The following MDN1 variants were observed in gnomAD, a reference collection of about 807,000 sequenced individuals.
MDN1 encodes the protein midasin.
A neutral mutation model predicts 669.2 loss-of-function variants in MDN1; 266 were observed. The ratio of observed to expected loss-of-function variants is 0.40; its 90% CI spans 0.36 to 0.44. MDN1 has a LOEUF of 0.44. Among genes scored for constraint, MDN1 ranks in the 20% least tolerant of loss-of-function variants. The pLI is 1.00. For missense variants in MDN1, 5,940 were observed against 6,754.0 expected (o/e 0.88, Z 4.22); for synonymous variants, 2,385 against 2,457.1 (o/e 0.97, Z 0.87).
intron 32 of MDN1, 37 bp from the exon 33 acceptor site, chr6:89,738,492 A>G (rs746652070): frequency 7.5e-6 from 12 of 1,609,208 alleles, no homozygotes. Flanking sequence ...GAATTTTTAA[A>G]ACTGTAAGGA....
rs745680539 is a variant in MDN1, at chr6:89,698,932, A to G, written c.9101T>C (p.Met3034Thr). ...CTGCATACCAGGCAAAGGGTTCCAC[A>G]TTAGCCAGTACTCTGGATTTGTGGT... is the stretch of plus-strand genomic sequence containing the variant. ...TVTTNPEYWLMWNPLPGMQQR... is the reference protein window; with the variant it reads ...TVTTNPEYWLTWNPLPGMQQR... Residue 3034 changes from methionine (M) to threonine (T), a missense_variant, in exon 59 of 102, where the codon ATG becomes ACG. By Grantham distance (81) the Met-to-Thr change is moderately conservative. Transcript: ENST00000369393. 3.1e-6 allele frequency: 5 copies of G among 1,614,082 alleles called. No individual in the cohort carries two copies. The African/African-American group carries it at 5.3e-5, about 17-fold the overall frequency.
At chr6:89,764,143 G>A (rs1817689385) in intron 15 of MDN1, among the ~76,000 whole-genome samples, 2 of 152,170 alleles carry the variant, frequency 1.3e-5, no homozygotes, top group African/African-American at 2.4e-5. Flanking sequence ...TTGAGCACAG[G>A]AGTTCTAGGC....
rs1212486778 is a variant in MDN1, at chr6:89,699,762, T to C, written c.8871-35A>G. The C allele has an allele frequency of 3.7e-6, 6 of 1,609,744 alleles. 1 individual carries two copies. Among genetic ancestry groups the C allele is most frequent in the Middle Eastern group, 3.3e-4 (2 of 6,044 alleles). ...AAATAAAGAGGGAGAGGGTGGGGTA[T>C]GGACTATCAATGAACTACTGGAAAG... On this transcript the variant is annotated intron_variant, in intron 57 of 101. Transcript: ENST00000369393.
intron 53 of MDN1, 78 bp downstream of exon 53, chr6:89,705,981 A>T (rs1018704031): frequency 2.3e-6 from 3 of 1,306,364 alleles, no homozygotes; most frequent in African/African-American, 1.5e-5. Context: ...CACTAAAGTT[A>T]GTCTTAGCCC....
At chr6:89,706,742 A>G (rs1373165535) in intron 52 of MDN1, among the ~76,000 whole-genome samples, 3 of 152,144 alleles carry the variant, frequency 2.0e-5, no homozygotes, top group African/African-American at 7.2e-5. Flanking sequence ...GATTATAAAG[A>G]AAAAAATGTA....
chr6:89,758,934 T>C lies in MDN1; in HGVS notation c.2487A>G (p.Lys829=). ...VEGTLAQAVK[K]GEWILLDEIN... is the part of the protein sequence containing the mutation. ...TCTCATCCAACAAGATCCACTCTCC[T>C]TTCTTTACAGCCTGAGCTAATGTAC... is the stretch of plus-strand genomic sequence containing the variant. Residue 829 remains lysine (K), a synonymous_variant, in exon 18 of 102, where the codon AAA becomes AAG. Coordinates refer to ENST00000369393, the MANE Select transcript of MDN1 (RefSeq NM_014611.3). 3 of 1,613,964 alleles carry C rather than the reference T, an allele frequency of 1.9e-6. No homozygotes were observed. Among genetic ancestry groups the C allele is most frequent in the Non-Finnish European group, 2.5e-6 (3 of 1,179,814 alleles).
intron 92 of MDN1, among the ~76,000 whole-genome samples, chr6:89,654,915 G>T (rs13201953): frequency 6.6e-6 from 1 of 152,240 alleles, no homozygotes; most frequent in African/African-American, 2.4e-5. Context: ...ACAGAAAGAC[G>T]AATAGGAATC....
At chr6:89,657,379 G>A (rs1809394191) in intron 90 of MDN1, among the ~76,000 whole-genome samples, 1 of 152,196 alleles carries the variant, frequency 6.6e-6, no homozygotes, top group African/African-American at 2.4e-5. Flanking sequence ...AATCACCACT[G>A]TAACCAGCAG....
intron 9 of MDN1, 36 bp downstream of exon 9, chr6:89,784,976 C>T: frequency 7.2e-7 from 1 of 1,394,056 alleles, no homozygotes; most frequent in Non-Finnish European, 1.0e-6. Flanking sequence ...AGCCACTGCA[C>T]CTGGCCAGCA....
chr6:89,801,226 T>C (rs543123943), intron 2 of MDN1, among the ~76,000 whole-genome samples: 2 of 152,064 alleles, frequency 1.3e-5, no homozygotes, highest in East Asian at 1.9e-4. Flanking sequence ...TGAAACCCCA[T>C]CCACACTAAA....
intron 65 of MDN1, among the ~76,000 whole-genome samples, chr6:89,689,295 C>A (rs1427923672): frequency 6.6e-6 from 1 of 152,216 alleles, no homozygotes; most frequent in Admixed American, 6.5e-5. Flanking sequence ...CAGAGGAAGT[C>A]AGAAACTGCC....
In MDN1 at chr6:89,794,677, C is replaced by T. The variant is rs780919387; in HGVS notation, c.454G>A (p.Ala152Thr). 3 of 1,614,084 alleles carry T rather than the reference C, an allele frequency of 1.9e-6. No individual in the cohort carries two copies. The highest frequency in any genetic ancestry group is 2.5e-6 in the Non-Finnish European group (3 of 1,180,042). ...RMKLRDLMEA[A>T]FKFLQQEQSV... ...TGCTCCTGCTGCAGAAACTTGAAGG[C>T]TGCTTCCATTAGGTCCCGGAGCTTC... The change falls in exon 3 of 102, where the codon GCC becomes ACC. Residue 152 changes from alanine to threonine, a missense_variant. Physicochemically the swap from Ala to Thr is moderately conservative, Grantham distance 58. Coordinates refer to ENST00000369393, the MANE Select transcript of MDN1 (RefSeq NM_014611.3).
At chr6:89,789,679 T>C in intron 7 of MDN1, 101 bp downstream of exon 7, 1 of 1,362,232 alleles carries the variant, frequency 7.3e-7, no homozygotes, top group Non-Finnish European at 1.0e-6. Context: ...TCTAATCAAA[T>C]ACATTTTTGT....
intron 55 of MDN1, 98 bp from the exon 56 acceptor site, chr6:89,700,954 T>C: frequency 2.0e-6 from 2 of 1,018,344 alleles, no homozygotes; most frequent in African/African-American, 3.3e-5. Flanking sequence ...GATATATTCT[T>C]AATGTTTCCA....
chr6:89,755,930 T>C (rs1214657286), intron 20 of MDN1, among the ~76,000 whole-genome samples: 1 of 152,218 alleles, frequency 6.6e-6, no homozygotes, highest in African/African-American at 2.4e-5. Context: ...GTATAAATAT[T>C]GCAAATAGAA....
intron 17 of MDN1, 117 bp from the exon 18 acceptor site, chr6:89,759,077 G>A: frequency 3.1e-6 from 3 of 982,886 alleles, no homozygotes; most frequent in Non-Finnish European, 4.4e-6. Flanking sequence ...TACTTGATGG[G>A]CCTATACTTT....
intron 12 of MDN1, among the ~76,000 whole-genome samples, chr6:89,774,975 T>C (rs545078405): frequency 7.2e-5 from 11 of 152,274 alleles, no homozygotes; most frequent in Non-Finnish European, 1.6e-4. Context: ...TACCTATATA[T>C]GGAGTGAACA....
At chr6:89,644,603 T>C (rs1808362529) in intron 101 of MDN1, among the ~76,000 whole-genome samples, 1 of 152,194 alleles carries the variant, frequency 6.6e-6, no homozygotes, top group African/African-American at 2.4e-5. Flanking sequence ...TGCTTCTTGC[T>C]GTGAGGAGCT....
intron 83 of MDN1, among the ~76,000 whole-genome samples, chr6:89,669,621 A>G (rs4707558): frequency 0.55 from 83,731 of 151,956 alleles, 23,867 homozygotes; most frequent in East Asian, 0.9. Flanking sequence ...AAATCTTAGA[A>G]TGCTAAGAAC....
Sources: allele counts gnomAD v4.1 joint callset (sites outside exome capture counted in the v4.1 genomes callset), GRCh38; gene constraint gnomAD v4.1.1; transcripts MANE v1.5; gene names NCBI Gene and HGNC (gene_info 2026-07-23, HGNC 2026-07-21).